The following SPAG6 variants were observed in gnomAD, a reference collection of about 807,000 sequenced individuals.
SPAG6 encodes the protein sperm-associated antigen 6.
In SPAG6, 49 loss-of-function variants were observed where a neutral mutation model predicts 58.5. That is an observed-to-expected ratio of 0.84 (90% confidence interval 0.67 to 1.06). SPAG6 has a LOEUF of 1.06. Ranked by LOEUF, SPAG6 falls within the 50% of genes least tolerant of loss-of-function variation. SPAG6 has a pLI of 0.00. For missense variants in SPAG6, 560 were observed against 611.3 expected (o/e 0.92, Z 0.89); for synonymous variants, 233 against 225.6 (o/e 1.03, Z -0.29).
chr10:22,391,624 A>G, intron 7 of SPAG6, 105 bp from the exon 8 acceptor site: 1 of 989,618 alleles, frequency 1.0e-6, no homozygotes, highest in Non-Finnish European at 1.5e-6. Context: ...TTTAAGAAAA[A>G]AAGGATCAAG....
intron 8 of SPAG6, among the ~76,000 whole-genome samples, chr10:22,394,956 C>G (rs141883722): frequency 1.1e-4 from 16 of 152,286 alleles, no homozygotes; most frequent in Non-Finnish European, 8.8e-5. Context: ...AGCAGTCCCC[C>G]ACCTTGACCT....
Position 22,391,346 on chromosome 10 carries a change from T to C in SPAG6, c.1006-383T>C, listed in dbSNP as rs16922230. The stretch of plus-strand genomic sequence containing the variant: ...ATATTTGGTGAAAAGACAATTTCTT[T>C]AAAGATTCTAAACTTTTTAACAAAG... On this transcript the variant is annotated intron_variant, in intron 7 of 10. Transcript: ENST00000376624. Among the ~76,000 whole-genome samples the C allele has an allele frequency of 9.6e-3, 1,455 of 152,334 alleles. 15 individuals are homozygous for C. Among genetic ancestry groups the C allele is most frequent in the African/African-American group, 0.033 (1,388 of 41,570 alleles).
chr10:22,364,948 G>A lies in SPAG6; in HGVS notation c.217G>A (p.Asp73Asn). ...LALGRLANYN[D>N]DLAEAVVKCD... ...TCTTGGGAGACTGGCCAATTATAAT[G>A]ATGACCTAGCAGAAGCTGTTGTGAA... Residue 73 changes from aspartate (D) to asparagine (N), a missense_variant, in exon 3 of 11, where the codon GAT (aspartate) becomes AAT (asparagine). Asp to Asn is a conservative substitution (Grantham distance 23, BLOSUM62 1). Coordinates refer to ENST00000376624, the MANE Select transcript of SPAG6 (RefSeq NM_012443.4). 1 of 1,613,426 alleles carries A rather than the reference G, an allele frequency of 6.2e-7. No homozygotes were observed. Among genetic ancestry groups the A allele is most frequent in the South Asian group, 1.1e-5 (1 of 91,046 alleles).
chr10:22,401,696 A>G (rs1261495927), intron 9 of SPAG6, among the ~76,000 whole-genome samples: 2 of 152,256 alleles, frequency 1.3e-5, no homozygotes, highest in African/African-American at 4.8e-5. Flanking sequence ...ATGTTCTCAG[A>G]CAGTCATTTG....
At chr10:22,412,425 A>C in intron 10 of SPAG6, 1 of 1,412,206 alleles carries the variant, frequency 7.1e-7, no homozygotes, top group Non-Finnish European at 9.6e-7. Context: ...TTTGTTTTCT[A>C]TCCACATATT....
chr10:22,351,260 T>C (rs1836720341), intron 2 of SPAG6, among the ~76,000 whole-genome samples: 1 of 152,230 alleles, frequency 6.6e-6, no homozygotes, highest in Non-Finnish European at 1.5e-5. Flanking sequence ...TAGTATTTAG[T>C]GTTTAAGCTG....
intron 2 of SPAG6, among the ~76,000 whole-genome samples, chr10:22,353,465 A>G (rs1836786335): frequency 6.6e-6 from 1 of 152,214 alleles, no homozygotes; most frequent in Admixed American, 6.5e-5. Context: ...GTTCCTTAAA[A>G]CTTTATGAAT....
chr10:22,396,430 G>A (rs1218757736), intron 8 of SPAG6, among the ~76,000 whole-genome samples: 1 of 152,098 alleles, frequency 6.6e-6, no homozygotes, highest in Non-Finnish European at 1.5e-5. Flanking sequence ...GGCCTCCCCA[G>A]CCATGTGGAA....
chr10:22,413,978 G>T (rs1022195254), intron 10 of SPAG6, among the ~76,000 whole-genome samples: 1 of 151,976 alleles, frequency 6.6e-6, no homozygotes, highest in Non-Finnish European at 1.5e-5. Context: ...ACTGCCTTCC[G>T]ATTTAGTAAT....
At chr10:22,355,294 A>G in intron 2 of SPAG6, among the ~76,000 whole-genome samples, 1 of 152,216 alleles carries the variant, frequency 6.6e-6, no homozygotes, top group East Asian at 1.9e-4. Flanking sequence ...TAAATTTCTT[A>G]GAGAGGTACC....
intron 9 of SPAG6, among the ~76,000 whole-genome samples, chr10:22,406,131 A>G (rs1440517309): frequency 1.3e-5 from 2 of 151,532 alleles, no homozygotes; most frequent in Non-Finnish European, 2.9e-5. Flanking sequence ...TTGTGTCTCT[A>G]TTTCCTTCAG....
intron 2 of SPAG6, among the ~76,000 whole-genome samples, chr10:22,356,558 T>A (rs1836873771): frequency 1.3e-5 from 2 of 152,212 alleles, no homozygotes; most frequent in Non-Finnish European, 2.9e-5. Flanking sequence ...GCTTTATCTC[T>A]TGCTACCTCA....
intron 4 of SPAG6, among the ~76,000 whole-genome samples, chr10:22,383,338 C>T (rs551409069): frequency 5.3e-5 from 8 of 151,996 alleles, no homozygotes; most frequent in Admixed American, 4.6e-4. Flanking sequence ...TGGTTTTTTT[C>T]GAGTAGAAAA....
At chr10:22,348,588 T>C (rs1437302752) in intron 2 of SPAG6, among the ~76,000 whole-genome samples, 1 of 152,246 alleles carries the variant, frequency 6.6e-6, no homozygotes, top group Non-Finnish European at 1.5e-5. Flanking sequence ...ATGGGTATCA[T>C]GATCAAACCA....
At chr10:22,396,230 G>A (rs1834289350) in intron 8 of SPAG6, among the ~76,000 whole-genome samples, 2 of 152,144 alleles carry the variant, frequency 1.3e-5, no homozygotes, top group South Asian at 2.1e-4. Context: ...TAATTCCCAC[G>A]TGTTGTGGGA....
At chr10:22,355,118 C>A (rs113736212) in intron 2 of SPAG6, among the ~76,000 whole-genome samples, 2 of 152,242 alleles carry the variant, frequency 1.3e-5, no homozygotes, top group African/African-American at 4.8e-5. Context: ...ATTCAACAGA[C>A]TATATACCCT....
In SPAG6 at chr10:22,345,973, G is replaced by A. The variant is rs1420870892; in HGVS notation, c.121+155G>A. On this transcript the variant is annotated intron_variant, in intron 2 of 10. Coordinates refer to ENST00000376624, the MANE Select transcript of SPAG6 (RefSeq NM_012443.4). The surrounding 1 kb of genome is among the most constrained non-coding windows in gnomAD (Gnocchi z 6.3). ...CTTTTCAGCGGGTCTTTGGGGGTCA[G>A]GCCGAGAGGGTGAAGCTTCCAGATG... The A allele has an allele frequency of 6.5e-7, 1 of 1,549,844 alleles. No homozygotes were observed. Among genetic ancestry groups the A allele is most frequent in the East Asian group, 2.4e-5 (1 of 40,894 alleles).
intron 2 of SPAG6, among the ~76,000 whole-genome samples, chr10:22,347,463 C>A (rs969867272): frequency 6.6e-6 from 1 of 152,172 alleles, no homozygotes; most frequent in Admixed American, 6.5e-5. Flanking sequence ...CAGTCCCTCT[C>A]AATGACCTTT....
At position 22,389,273 on chromosome 10, in the gene SPAG6, T is replaced by G. The variant is rs574385650; in HGVS notation, c.966T>G (p.Ala322=). 253 of 1,612,632 alleles carry G rather than the reference T, an allele frequency of 1.6e-4. 2 individuals are homozygous for G. The South Asian group carries it at 2.6e-3, about 17-fold the overall frequency. The part of the protein sequence containing the change: ...PGIMMLGYVA[A]HSENLAMAVI... ...TCATGATGCTTGGTTATGTAGCAGCTCATTCTGAGAACCTAGCAATGGCAG... is the reference window on the plus strand; with the variant it reads ...TCATGATGCTTGGTTATGTAGCAGCGCATTCTGAGAACCTAGCAATGGCAG... Residue 322 remains alanine, a synonymous_variant, in exon 7 of 11, where the codon GCT becomes GCG. Transcript: ENST00000376624.
Sources: gnomAD v4.1 joint callset for allele counts (sites outside exome capture counted in the v4.1 genomes callset) on GRCh38, gnomAD v4.1.1 for gene constraint, Gnocchi (gnomAD v3.1) non-coding constraint, MANE v1.5 for transcripts, NCBI Gene and HGNC (gene_info 2026-07-23, HGNC 2026-07-21) for gene names.